The following MALRD1 variants were observed in gnomAD, a reference collection of about 807,000 sequenced individuals.
MALRD1 encodes the protein MAM and LDL-receptor class A domain-containing protein 1.
MALRD1 carries 247 observed loss-of-function variants against 242.1 expected under a neutral mutation model. That is an observed-to-expected ratio of 1.02 (90% CI 0.92 to 1.13). MALRD1 has a LOEUF of 1.13. Among genes scored for constraint, MALRD1 ranks in the 50% most tolerant of loss-of-function variants. The pLI is 0.00. For synonymous variants in MALRD1, 995 were observed against 866.6 expected, an observed-to-expected ratio of 1.15 and a Z score of -2.60; for missense variants, 2,989 against 2,533.1, an observed-to-expected ratio of 1.18 and a Z score of -3.86.
Position 19,567,588 on chromosome 10 carries a change from G to A in MALRD1, c.5565G>A (p.Val1855=), listed in dbSNP as rs1322650924. The change falls in exon 33 of 40, where the codon GTG becomes GTA. Residue 1855 remains valine, a synonymous_variant. Transcript: ENST00000454679. ...NKRTGWTYGS[V]PLSSNSPFKV... ...GAACGGGATGGACATATGGCTCTGT[G>A]CCTCTCTCCAGTAACAGTCCGTTTA... 1.3e-6 allele frequency: 2 copies of A among 1,550,480 alleles called. No individual in the cohort carries two copies. Among genetic ancestry groups the A allele is most frequent in the East Asian group, 2.4e-5 (1 of 40,900 alleles).
At chr10:19,163,831 G>A (rs893980418) in intron 12 of MALRD1, among the ~76,000 whole-genome samples, 1 of 152,176 alleles carries the variant, frequency 6.6e-6, no homozygotes, top group African/African-American at 2.4e-5. Flanking sequence ...TTAAATATAA[G>A]TTCTGAGCTC....
In MALRD1 at chr10:19,152,523, G is replaced by GAT. The variant is rs1225923965; in HGVS notation, c.1559-2552_1559-2551insAT. 8.3e-3 allele frequency among the ~76,000 whole-genome samples: 1,257 copies of GAT among 151,922 alleles called. 17 individuals carry two copies. Among genetic ancestry groups the GAT allele is most frequent in the African/African-American group, 0.029 (1,189 of 41,414 alleles). On this transcript the variant is annotated intron_variant, in intron 11 of 39. Coordinates refer to ENST00000454679, the MANE Select transcript of MALRD1 (RefSeq NM_001142308.3). ...TGCAGTCTTTCACAAAGTTTATAATGTTCTTCATATAAATCATGTCCCTTT... is the reference window on the plus strand; with the variant it reads ...TGCAGTCTTTCACAAAGTTTATAATGATTTCTTCATATAAATCATGTCCCTTT...
At chr10:19,599,759 G>A (rs1235981729) in intron 34 of MALRD1, among the ~76,000 whole-genome samples, 2 of 152,144 alleles carry the variant, frequency 1.3e-5, no homozygotes, top group African/African-American at 4.8e-5. Flanking sequence ...AGGAGGTTCA[G>A]TTGCCTGAGC....
At chr10:19,109,628 C>T (rs2131349490) in intron 5 of MALRD1, among the ~76,000 whole-genome samples, 1 of 152,302 alleles carries the variant, frequency 6.6e-6, no homozygotes, top group African/African-American at 2.4e-5. Context: ...GCTATAGCTT[C>T]TTGGATGGAG....
chr10:19,120,756 G>A (rs1373797398), intron 5 of MALRD1, among the ~76,000 whole-genome samples: 3 of 152,068 alleles, frequency 2.0e-5, no homozygotes. Flanking sequence ...TTTTGTTGTT[G>A]TTGTTGAAGC....
chr10:19,288,364 G>T (rs906736864), intron 21 of MALRD1, among the ~76,000 whole-genome samples: 2 of 151,884 alleles, frequency 1.3e-5, no homozygotes, highest in African/African-American at 4.8e-5. Flanking sequence ...TAACAACCCT[G>T]TTGTGTTATT....
At chr10:19,109,500 C>T (rs1393675432) in intron 5 of MALRD1, among the ~76,000 whole-genome samples, 1 of 152,184 alleles carries the variant, frequency 6.6e-6, no homozygotes, top group Non-Finnish European at 1.5e-5. Context: ...TAAGCTTGGC[C>T]ACCGGGGTTG....
intron 26 of MALRD1, among the ~76,000 whole-genome samples, chr10:19,384,392 T>A (rs1204629903): frequency 1.2e-5 from 1 of 84,220 alleles, no homozygotes; most frequent in Non-Finnish European, 2.2e-5. Context: ...TACTATATAT[T>A]ATATATTATA....
chr10:19,160,333 GC>G (rs1328634093), intron 12 of MALRD1, among the ~76,000 whole-genome samples: 1 of 136,060 alleles, frequency 7.3e-6, no homozygotes, highest in Admixed American at 7.7e-5. Context: ...TGGTGGATAA[GC>G]TTTTTGATGT....
intron 18 of MALRD1, among the ~76,000 whole-genome samples, chr10:19,225,139 T>C (rs1490182040): frequency 2.0e-5 from 3 of 152,116 alleles, no homozygotes; most frequent in Admixed American, 6.6e-5. Flanking sequence ...CAGAGATATG[T>C]TGTATATTTT....
chr10:19,595,003 T>A (rs1838007255), intron 33 of MALRD1, among the ~76,000 whole-genome samples, 191 bp from the exon 34 acceptor site: 1 of 152,192 alleles, frequency 6.6e-6, no homozygotes, highest in South Asian at 2.1e-4. Context: ...ATTTTTTATG[T>A]TCCTGACATT....
At chr10:19,065,287 C>CAAAAAAAAAAAAAAAAAAAAAAAAAAAAA (rs1197670439) in intron 1 of MALRD1, among the ~76,000 whole-genome samples, 1 of 50,632 alleles carries the variant, frequency 2.0e-5, no homozygotes, top group Non-Finnish European at 3.3e-5. Context: ...AACGCTGTCT[C>CAAAAAAAAAAAAAAAAAAAAAAAAAAAAA]AAAAAAAAAA....
At chr10:19,148,916 A>G (rs188013373) in intron 11 of MALRD1, among the ~76,000 whole-genome samples, 66 of 151,786 alleles carry the variant, frequency 4.3e-4, no homozygotes, top group African/African-American at 1.6e-3. Context: ...ATTTAAAAAA[A>G]TGAAAAAGGA....
chr10:19,209,308 C>A lies in MALRD1; in HGVS notation c.2619C>A (p.Asn873Lys). ...GTAACTTTGAAACTGGAATCTGTAACTGGGAACAAGATGCAAAAGATGACT... is the reference window on the plus strand; with the variant it reads ...GTAACTTTGAAACTGGAATCTGTAAATGGGAACAAGATGCAAAAGATGACT... ...LQCNFETGICNWEQDAKDDFD... is the reference protein window; with the variant it reads ...LQCNFETGICKWEQDAKDDFD... Residue 873 changes from asparagine (N) to lysine (K), a missense_variant, in exon 18 of 40, where the codon AAC (asparagine) becomes AAA (lysine). Asn to Lys is a moderately conservative substitution (Grantham distance 94, BLOSUM62 0). Coordinates refer to ENST00000454679, the MANE Select transcript of MALRD1 (RefSeq NM_001142308.3). 1.3e-6 allele frequency: 2 copies of A among 1,547,676 alleles called. No individual in the cohort carries two copies. Among genetic ancestry groups the A allele is most frequent in the Non-Finnish European group, 8.7e-7 (1 of 1,145,936 alleles).
chr10:19,644,932 GAGTA>G (rs1229677307), intron 36 of MALRD1, among the ~76,000 whole-genome samples: 1 of 152,130 alleles, frequency 6.6e-6, no homozygotes, highest in African/African-American at 2.4e-5. Flanking sequence ...TGTCCATGTG[GAGTA>G]AGTAACAGAT....
At chr10:19,639,590 G>C (rs1249125520) in intron 36 of MALRD1, among the ~76,000 whole-genome samples, 3 of 152,180 alleles carry the variant, frequency 2.0e-5, no homozygotes, top group Non-Finnish European at 4.4e-5. Flanking sequence ...GGAACCATTA[G>C]TGTGCATCTC....
chr10:19,324,003 T>C lies in MALRD1; in HGVS notation c.3474T>C (p.Gly1158=). The C allele has an allele frequency of 6.4e-7, 1 of 1,550,868 alleles. No individual in the cohort carries two copies. Among genetic ancestry groups the C allele is most frequent in the Non-Finnish European group, 8.7e-7 (1 of 1,146,944 alleles). The change falls in exon 22 of 40, where the codon GGT becomes GGC. Residue 1158 remains glycine, a synonymous_variant. Coordinates refer to ENST00000454679, the MANE Select transcript of MALRD1 (RefSeq NM_001142308.3). ...LYADSSNGKF[G]DTADILTPII... Reference sequence around the variant, plus strand: ...CTGACAGTTCTAATGGGAAATTTGGTGACACGGCTGACATTCTCACTCCTA... The same window carrying C: ...CTGACAGTTCTAATGGGAAATTTGGCGACACGGCTGACATTCTCACTCCTA...
chr10:19,424,933 TG>T (rs1027485540), intron 28 of MALRD1, among the ~76,000 whole-genome samples: 112 of 145,888 alleles, frequency 7.7e-4, no homozygotes, highest in African/African-American at 2.9e-3. Context: ...AAGAGTGAAA[TG>T]GAAAAAAAAA....
chr10:19,238,550 ATG>A (rs1194538231), intron 18 of MALRD1, among the ~76,000 whole-genome samples: 3 of 110,682 alleles, frequency 2.7e-5, no homozygotes, highest in East Asian at 4.7e-4. Context: ...ATAATATATA[ATG>A]TATATTATAT....
Sources: allele counts gnomAD v4.1 joint callset (sites outside exome capture counted in the v4.1 genomes callset), GRCh38; gene constraint gnomAD v4.1.1; transcripts MANE v1.5; gene names NCBI Gene and HGNC (gene_info 2026-07-23, HGNC 2026-07-21).